FAT3: variants seen among roughly 807,000 people sequenced by gnomAD.
The protein encoded by FAT3 is FAT atypical cadherin 3, also known as protocadherin Fat 3.
In FAT3, 95 loss-of-function variants were observed where a neutral mutation model predicts 310.2. That is an observed-to-expected ratio of 0.31 (90% CI 0.26 to 0.36). The LOEUF is 0.36. FAT3 is among the 10% of genes least tolerant of loss of function. The pLI is 1.00. For synonymous variants in FAT3, 2,314 were observed against 2,192.9 expected (o/e 1.06, Z -1.54); for missense variants, 5,408 against 5,715.6 (o/e 0.95, Z 1.74).
intron 3 of FAT3, among the ~76,000 whole-genome samples, chr11:92,667,295 G>A (rs980100925): frequency 1.6e-4 from 25 of 152,286 alleles, no homozygotes; most frequent in East Asian, 1.2e-3. Flanking sequence ...GATGTGTCGT[G>A]TGGAGTTCTT....
At chr11:92,675,698 T>C (rs1943265806) in intron 3 of FAT3, among the ~76,000 whole-genome samples, 2 of 152,202 alleles carry the variant, frequency 1.3e-5, no homozygotes, top group Non-Finnish European at 2.9e-5. Context: ...CACCCTCCAT[T>C]TGAGGTGCGT....
In FAT3 at chr11:92,799,598, C is replaced by A; in HGVS notation, c.6585C>A (p.Val2195=). The change falls in exon 10 of 28, where the codon GTC becomes GTA. Residue 2195 remains valine (V), a synonymous_variant. Coordinates refer to ENST00000525166, the MANE Select transcript of FAT3 (RefSeq NM_001367949.2). ...ATAAGCCCTTTTATACAGCATCTGT[C>A]AATGAAGACATCAGAATGAACACAC... ...VFDKPFYTAS[V]NEDIRMNTPI... 1.9e-6 allele frequency: 3 copies of A among 1,613,770 alleles called. No individual in the cohort carries two copies. Among genetic ancestry groups the A allele is most frequent in the Non-Finnish European group, 2.5e-6 (3 of 1,179,822 alleles).
chr11:92,857,916 A>G (rs1176728578), intron 20 of FAT3, among the ~76,000 whole-genome samples: 1 of 152,240 alleles, frequency 6.6e-6, no homozygotes. Context: ...ATTTTAATCT[A>G]AATGATCCTG....
intron 2 of FAT3, among the ~76,000 whole-genome samples, chr11:92,516,374 C>CCTT (rs1450713985): frequency 6.6e-6 from 1 of 152,052 alleles, no homozygotes; most frequent in Non-Finnish European, 1.5e-5. Context: ...ATAAACAGAA[C>CCTT]CTACGACAAA....
chr11:92,870,000 T>C (rs745926915), intron 22 of FAT3, among the ~76,000 whole-genome samples: 8 of 152,182 alleles, frequency 5.3e-5, no homozygotes, highest in Non-Finnish European at 1.2e-4. Flanking sequence ...CAAAACTTAA[T>C]TGTTTGAACA....
At chr11:92,506,143 T>C (rs1277744283) in intron 2 of FAT3, among the ~76,000 whole-genome samples, 1 of 152,148 alleles carries the variant, frequency 6.6e-6, no homozygotes, top group Non-Finnish European at 1.5e-5. Flanking sequence ...CTCCTTGAAC[T>C]CTAGGGCTGT....
At chr11:92,453,363 T>C (rs1394184199) in intron 2 of FAT3, among the ~76,000 whole-genome samples, 2 of 152,188 alleles carry the variant, frequency 1.3e-5, no homozygotes, top group African/African-American at 4.8e-5. Flanking sequence ...AAATGGTTGA[T>C]TCCCCTTTCT....
intron 2 of FAT3, among the ~76,000 whole-genome samples, chr11:92,428,635 T>C (rs185367211): frequency 7.2e-5 from 11 of 152,326 alleles, no homozygotes; most frequent in African/African-American, 2.4e-4. Flanking sequence ...TCAATTTCAT[T>C]ATTTACTCAG....
At position 92,286,625 on chromosome 11, in the gene FAT3, A is replaced by G. The variant is rs958354; in HGVS notation, c.-18+61451A>G. On this transcript the variant is annotated intron_variant, in intron 1 of 27. Transcript: ENST00000525166. The stretch of plus-strand genomic sequence containing the variant: ...AAAAGCTTCACATTTCTCTTGTTTT[A>G]ATAATACATAACACATTTAAGCCAC... Among the ~76,000 whole-genome samples the G allele has an allele frequency of 4.0e-3, 616 of 152,300 alleles. 4 individuals are homozygous for G. Among genetic ancestry groups the G allele is most frequent in the African/African-American group, 0.014 (579 of 41,576 alleles).
intron 13 of FAT3, among the ~76,000 whole-genome samples, chr11:92,813,453 G>T (rs1348043934): frequency 6.6e-6 from 1 of 151,990 alleles, no homozygotes; most frequent in Non-Finnish European, 1.5e-5. Flanking sequence ...AAATTTCAGG[G>T]TGTTTGCCTG....
intron 2 of FAT3, among the ~76,000 whole-genome samples, chr11:92,486,163 G>A (rs897374657): frequency 8.8e-5 from 2 of 22,706 alleles, no homozygotes; most frequent in Admixed American, 6.1e-4. Context: ...TTTTTTGGTA[G>A]ACTCATCTTT....
chr11:92,542,867 T>G (rs982301980), intron 3 of FAT3, among the ~76,000 whole-genome samples: 1 of 152,050 alleles, frequency 6.6e-6, no homozygotes, highest in African/African-American at 2.4e-5. Flanking sequence ...GAAGAGATAT[T>G]TACACTCTCA....
At chr11:92,529,409 G>A (rs964047212) in intron 3 of FAT3, among the ~76,000 whole-genome samples, 4 of 152,168 alleles carry the variant, frequency 2.6e-5, no homozygotes, top group Admixed American at 2.6e-4. Flanking sequence ...GATATTATTA[G>A]AAAGCGAATT....
chr11:92,645,460 C>T (rs1942116222), intron 3 of FAT3, among the ~76,000 whole-genome samples: 2 of 150,088 alleles, frequency 1.3e-5, no homozygotes, highest in Admixed American at 6.6e-5. Context: ...AGTTTTAGGA[C>T]TCCAAAGGCA....
At chr11:92,369,412 G>T (rs1373149797) in intron 2 of FAT3, among the ~76,000 whole-genome samples, 1 of 152,112 alleles carries the variant, frequency 6.6e-6, no homozygotes, top group East Asian at 1.9e-4. Context: ...CAGGTTTTAG[G>T]TTGTCACTTC....
intron 19 of FAT3, among the ~76,000 whole-genome samples, chr11:92,846,065 C>T (rs929016208): frequency 1.2e-4 from 19 of 152,174 alleles, no homozygotes; most frequent in African/African-American, 4.6e-4. Context: ...GCAGATGTCA[C>T]CAACATGCAG....
chr11:92,433,464 C>T (rs747950498), intron 2 of FAT3, among the ~76,000 whole-genome samples: 8 of 152,144 alleles, frequency 5.3e-5, no homozygotes, highest in East Asian at 1.9e-4. Context: ...CAGTCCCTCA[C>T]GGCTTTCCTT....
At position 92,442,081 on chromosome 11, in the gene FAT3, T is replaced by TTTATATATA. The variant is rs1355599282; in HGVS notation, c.3293-82552_3293-82551insTATATATAT. ...GTGCAAAACTTAAGAAATATATATT[T>TTTATATATA]TATATATATATATATATATATATAT... On this transcript the variant is annotated intron_variant, in intron 2 of 27. Transcript: ENST00000525166. Among the ~76,000 whole-genome samples, 43 of 69,982 alleles carry TTTATATATA rather than the reference T, an allele frequency of 6.1e-4. 1 individual carries two copies. The highest frequency in any genetic ancestry group is 3.5e-3 in the African/African-American group (42 of 12,142). The allele number at this position is 69,982 out of a possible 152,430, so 45.9% of individuals were successfully genotyped here.
At chr11:92,391,709 CAT>C (rs1949753381) in intron 2 of FAT3, among the ~76,000 whole-genome samples, 1 of 152,186 alleles carries the variant, frequency 6.6e-6, no homozygotes, top group Admixed American at 6.5e-5. Context: ...AAATGTTTGA[CAT>C]TCAAAACAGA....
Sources: allele counts gnomAD v4.1 joint callset (sites outside exome capture counted in the v4.1 genomes callset), GRCh38; gene constraint gnomAD v4.1.1; transcripts MANE v1.5; gene names NCBI Gene and HGNC (gene_info 2026-07-23, HGNC 2026-07-21).